Variants in JARID2 observed in about 807,000 individuals in gnomAD.
JARID2 encodes jumonji and AT-rich interaction domain containing 2.
JARID2 carries 21 observed loss-of-function variants against 125.6 expected under a neutral mutation model. That is an observed-to-expected ratio of 0.17 (90% CI 0.12 to 0.24). JARID2 has a LOEUF of 0.24. Ranked by LOEUF, JARID2 falls within the 10% of genes least tolerant of loss-of-function variation. The probability of loss-of-function intolerance (pLI) is 1.00; values close to 1 mark genes in which losing one functional copy is unlikely to be tolerated. For missense variants in JARID2, 1,303 were observed against 1,639.6 expected (o/e 0.79, Z 3.55); for synonymous variants, 736 against 661.6 (o/e 1.11, Z -1.73).
intron 2 of JARID2, among the ~76,000 whole-genome samples, chr6:15,385,872 AT>A (rs1764765918): frequency 6.6e-6 from 1 of 151,894 alleles, no homozygotes; most frequent in Non-Finnish European, 1.5e-5. Context: ...AGCTCATCTT[AT>A]TTTCCCCATT....
chr6:15,441,206 G>A (rs1050607904), intron 3 of JARID2, among the ~76,000 whole-genome samples: 6 of 152,152 alleles, frequency 3.9e-5, no homozygotes, highest in African/African-American at 1.2e-4. Flanking sequence ...TAGCTGGATT[G>A]TATATTCCTA....
intron 3 of JARID2, among the ~76,000 whole-genome samples, chr6:15,447,101 T>C (rs550956608): frequency 1.9e-4 from 29 of 152,322 alleles, no homozygotes; most frequent in Admixed American, 3.3e-4. Context: ...TTTGTAGTCT[T>C]TTAATTCACA....
At chr6:15,509,760 C>T (rs749405042) in intron 12 of JARID2, among the ~76,000 whole-genome samples, 7 of 152,288 alleles carry the variant, frequency 4.6e-5, no homozygotes, top group Non-Finnish European at 8.8e-5. Context: ...GAGTTTCTTC[C>T]GTGTGGGTTT....
Position 15,313,078 on chromosome 6 carries a change from A to C in JARID2, c.46-61039A>C, listed in dbSNP as rs1350083121. On this transcript the variant is annotated intron_variant, in intron 1 of 17. Transcript: ENST00000341776. ...CCGTTTATGTTGCTTGTTTTTAAAC[A>C]ATCTTCTTGGAAAAGAATTCAGTGC... Among the ~76,000 whole-genome samples, 6 of 152,174 alleles carry C rather than the reference A, an allele frequency of 3.9e-5. No individual in the cohort carries two copies. The East Asian group carries it at 9.6e-4, about 24-fold the overall frequency.
chr6:15,317,486 G>T (rs1762217729), intron 1 of JARID2, among the ~76,000 whole-genome samples: 1 of 152,100 alleles, frequency 6.6e-6, no homozygotes, highest in Non-Finnish European at 1.5e-5. Context: ...AACTCCCTAG[G>T]AAATTTTTAC....
intron 2 of JARID2, among the ~76,000 whole-genome samples, chr6:15,396,549 T>G (rs1765227859): frequency 6.6e-6 from 1 of 152,220 alleles, no homozygotes; most frequent in Non-Finnish European, 1.5e-5. Flanking sequence ...ACCCTCCGTG[T>G]ATGCCTGAAA....
At chr6:15,509,012 T>C (rs574129249) in intron 12 of JARID2, 47 of 1,288,884 alleles carry the variant, frequency 3.6e-5, no homozygotes, top group Non-Finnish European at 4.7e-5. Context: ...CTGTGGGGAG[T>C]AGAGTTGACT....
At chr6:15,468,086 G>A (rs1334105595) in intron 4 of JARID2, among the ~76,000 whole-genome samples, 2 of 151,386 alleles carry the variant, frequency 1.3e-5, no homozygotes, top group Non-Finnish European at 2.9e-5. Flanking sequence ...TCCACCATAA[G>A]GAATGAATAT....
intron 4 of JARID2, among the ~76,000 whole-genome samples, chr6:15,459,946 G>A (rs540798255): frequency 6.6e-6 from 1 of 152,302 alleles, no homozygotes; most frequent in African/African-American, 2.4e-5. Flanking sequence ...AAACTCTTTG[G>A]GGAGGAAATC....
At chr6:15,285,271 C>T (rs1278391329) in intron 1 of JARID2, among the ~76,000 whole-genome samples, 2 of 151,906 alleles carry the variant, frequency 1.3e-5, no homozygotes, top group African/African-American at 2.4e-5. Context: ...CCACCACGCC[C>T]AGCTAATTTT....
At chr6:15,354,180 C>T (rs1034555671) in intron 1 of JARID2, among the ~76,000 whole-genome samples, 5 of 152,090 alleles carry the variant, frequency 3.3e-5, no homozygotes, top group African/African-American at 2.4e-5. Flanking sequence ...GTAGGTGGCT[C>T]ACTGTCAGAG....
intron 6 of JARID2, among the ~76,000 whole-genome samples, chr6:15,493,907 A>G (rs569684146): frequency 1.3e-5 from 2 of 151,748 alleles, no homozygotes; most frequent in Non-Finnish European, 2.9e-5. Flanking sequence ...TAAATTTATC[A>G]TTGCCAGGTG....
chr6:15,405,670 G>C (rs1403441921), intron 2 of JARID2, among the ~76,000 whole-genome samples: 2 of 152,154 alleles, frequency 1.3e-5, no homozygotes, highest in Non-Finnish European at 2.9e-5. Flanking sequence ...GTGTTGGTCG[G>C]GGTGGGGGAG....
intron 3 of JARID2, among the ~76,000 whole-genome samples, chr6:15,428,942 A>ACCC (rs1421305196): frequency 0.052 from 5,969 of 114,676 alleles, 210 homozygotes; most frequent in African/African-American, 0.1. Flanking sequence ...CCCCCCCCCA[A>ACCC]AAAAAAAAAA....
intron 2 of JARID2, among the ~76,000 whole-genome samples, chr6:15,405,482 A>G (rs940730635): frequency 3.3e-5 from 5 of 152,354 alleles, no homozygotes; most frequent in African/African-American, 7.2e-5. Flanking sequence ...CTTTACTGCA[A>G]TGATTTACAA....
chr6:15,423,717 G>A (rs1766601114), intron 3 of JARID2, among the ~76,000 whole-genome samples: 1 of 152,146 alleles, frequency 6.6e-6, no homozygotes, highest in Non-Finnish European at 1.5e-5. Context: ...CTTGGTATGG[G>A]ATATCTGTTT....
intron 4 of JARID2, among the ~76,000 whole-genome samples, chr6:15,457,416 C>G (rs1768236993): frequency 6.6e-6 from 1 of 152,156 alleles, no homozygotes; most frequent in Non-Finnish European, 1.5e-5. Flanking sequence ...ATCCCCAAGC[C>G]TCTAGTGTTC....
intron 3 of JARID2, among the ~76,000 whole-genome samples, chr6:15,446,682 GTCAT>G (rs1417965520): frequency 6.6e-6 from 1 of 152,156 alleles, no homozygotes; most frequent in Non-Finnish European, 1.5e-5. Context: ...TCCGTAAATG[GTCAT>G]TCATTTTAAC....
intron 2 of JARID2, among the ~76,000 whole-genome samples, chr6:15,379,641 C>G (rs550113261): frequency 6.6e-6 from 1 of 152,178 alleles, no homozygotes; most frequent in Non-Finnish European, 1.5e-5. Flanking sequence ...CTTAAACTTA[C>G]CCCGGGCAGT....
Sources: allele counts gnomAD v4.1 joint callset (sites outside exome capture counted in the v4.1 genomes callset), GRCh38; gene constraint gnomAD v4.1.1; transcripts MANE v1.5; gene names NCBI Gene and HGNC (gene_info 2026-07-23, HGNC 2026-07-21).